The following SIRT5 variants were observed in gnomAD, a reference collection of about 807,000 sequenced individuals.
SIRT5 encodes NAD-dependent protein deacylase sirtuin-5, mitochondrial.
Under a neutral mutation model 40.0 loss-of-function variants are expected in SIRT5, and 26 were observed. The observed-to-expected ratio is 0.65, with a 90% confidence interval of 0.48 to 0.90. The LOEUF is 0.90. Among genes scored for constraint, SIRT5 ranks in the 40% least tolerant of loss-of-function variants. The pLI, the probability that SIRT5 is intolerant of heterozygous loss-of-function variation, is 0.00. For missense variants in SIRT5, 401 were observed against 402.4 expected (o/e 1.00, Z 0.03); for synonymous variants, 146 against 149.1 (o/e 0.98, Z 0.15).
In SIRT5 at chr6:13,591,816, C is replaced by A. The variant is rs200208625; in HGVS notation, c.397C>A (p.Arg133=). ...ECETRLGKQG[R]RVVVITQNID... is the part of the protein sequence containing the mutation. ...TGAGACCCGGCTGGGCAAGCAGGGC[C>A]GGCGAGTCGTGGTCATCACCCAGAA... The change falls in exon 5 of 10, where the codon CGG becomes AGG. Residue 133 remains arginine (R), a synonymous_variant. Transcript: ENST00000606117. 2 of 1,614,162 alleles carry A rather than the reference C, an allele frequency of 1.2e-6. No individual in the cohort carries two copies. Among genetic ancestry groups the A allele is most frequent in the Non-Finnish European group, 1.7e-6 (2 of 1,180,008 alleles).
Position 13,591,857 on chromosome 6 carries a change from C to T in SIRT5, c.438C>T (p.His146=). The change falls in exon 5 of 10, where the codon CAC becomes CAT. Residue 146 remains histidine, a synonymous_variant. Transcript: ENST00000606117. ...VVITQNIDEL[H]RKAGTKNLLE... is the part of the protein sequence containing the mutation. ...TCACCCAGAACATCGATGAGCTGCA[C>T]CGCAAGGCTGGCACCAAGAACCTTC... 3.1e-6 allele frequency: 5 copies of T among 1,614,052 alleles called. No individual in the cohort carries two copies. The highest frequency in any genetic ancestry group is 4.2e-6 in the Non-Finnish European group (5 of 1,179,904).
At chr6:13,595,378 T>A (rs1761433084) in intron 5 of SIRT5, 99 bp from the exon 6 acceptor site, 5 of 932,288 alleles carry the variant, frequency 5.4e-6, no homozygotes, top group Non-Finnish European at 8.6e-6. Flanking sequence ...AAACATGAAA[T>A]GAAGTGTGAA....
At chr6:13,601,279 C>G (rs527537440) in intron 9 of SIRT5, among the ~76,000 whole-genome samples, 1 of 152,324 alleles carries the variant, frequency 6.6e-6, no homozygotes, top group South Asian at 2.1e-4. Context: ...AAATGCTCCG[C>G]AAGTAAGCCT....
intron 6 of SIRT5, among the ~76,000 whole-genome samples, chr6:13,595,863 A>G (rs1164024838): frequency 5.9e-5 from 9 of 152,090 alleles, no homozygotes; most frequent in Non-Finnish European, 1.3e-4. Flanking sequence ...GTGGTGGCAC[A>G]TGCCTGTAGT....
At chr6:13,588,543 C>T in intron 4 of SIRT5, 79 bp downstream of exon 4, 1 of 1,474,708 alleles carries the variant, frequency 6.8e-7, no homozygotes, top group Non-Finnish European at 9.1e-7. Context: ...CTATACCGAT[C>T]CCCGAAACCC....
chr6:13,576,079 A>G (rs756003290), intron 1 of SIRT5, among the ~76,000 whole-genome samples: 4 of 152,184 alleles, frequency 2.6e-5, no homozygotes, highest in African/African-American at 4.8e-5. Flanking sequence ...AGTTGCTTCT[A>G]TATCTTGGTT....
chr6:13,575,927 T>G (rs917445439), intron 1 of SIRT5, among the ~76,000 whole-genome samples: 2 of 152,232 alleles, frequency 1.3e-5, no homozygotes, highest in Admixed American at 1.3e-4. Flanking sequence ...TGTGCCTGGC[T>G]TATTTTACTT....
rs1456894969 is a variant in SIRT5 at position 13,613,481 on chromosome 6, G to A, written c.*1616G>A. On this transcript the variant is annotated 3_prime_UTR_variant, in exon 10 of 10. Transcript: ENST00000606117. ...GCTCCCTGAAGTGATTACATACTTG[G>A]ACCACATCACCTCAGCCCCTTGCAA... 6.6e-6 allele frequency: 1 copy of A among 152,174 alleles called. No homozygotes were observed. Among genetic ancestry groups the A allele is most frequent in the East Asian group, 1.9e-4 (1 of 5,198 alleles). The allele number at this position is 152,174 out of a possible 1,614,324, so 9.4% of individuals were successfully genotyped here.
intron 9 of SIRT5, chr6:13,604,403 A>T (rs551032969): frequency 1.1e-6 from 1 of 928,538 alleles, no homozygotes; most frequent in Admixed American, 2.0e-5. Flanking sequence ...GAAGAGTGGG[A>T]CAGGATAAAC....
Position 13,612,128 on chromosome 6 carries a change from G to C in SIRT5, c.*263G>C. ...GAGGTATCTTTGATGTGTATGGTTG[G>C]TTATTGGGAGGGAAAAATTTTGTAA... is the stretch of plus-strand genomic sequence containing the variant. On this transcript the variant is annotated 3_prime_UTR_variant, in exon 10 of 10. Coordinates refer to ENST00000606117, the MANE Select transcript of SIRT5 (RefSeq NM_012241.5). 3.5e-6 allele frequency: 1 copy of C among 288,002 alleles called. No individual in the cohort carries two copies. The highest frequency in any genetic ancestry group is 6.4e-6 in the Non-Finnish European group (1 of 156,006). The allele number at this position is 288,002 out of a possible 1,614,324, so 17.8% of individuals were successfully genotyped here. A position where few individuals can be genotyped will look rare whatever the true frequency, so the allele number is the denominator to read the frequency against.
At position 13,591,887 on chromosome 6, in the gene SIRT5, G is replaced by A; in HGVS notation, c.468G>A (p.Glu156=). 6.2e-7 allele frequency: 1 copy of A among 1,611,204 alleles called. No homozygotes were observed. Among genetic ancestry groups the A allele is most frequent in the Non-Finnish European group, 8.5e-7 (1 of 1,177,574 alleles). Residue 156 remains glutamate (E), a synonymous_variant, in exon 5 of 10, where the codon GAG becomes GAA. Transcript: ENST00000606117. ...AGGCTGGCACCAAGAACCTTCTGGA[G>A]ATCCATGGTGAGAGACCCCCAGCCT... ...HRKAGTKNLL[E]IHGSLFKTRC... is the part of the protein sequence containing the mutation.
At chr6:13,582,645 C>G (rs1055029126) in intron 2 of SIRT5, among the ~76,000 whole-genome samples, 1 of 151,254 alleles carries the variant, frequency 6.6e-6, no homozygotes, top group African/African-American at 2.4e-5. Flanking sequence ...CCGCATGCCC[C>G]TTTTTAATCA....
Position 13,591,905 on chromosome 6 carries a change from C to G in SIRT5, c.475+11C>G, listed in dbSNP as rs747195617. The G allele has an allele frequency of 5.0e-6, 8 of 1,605,346 alleles. No homozygotes were observed. The highest frequency in any genetic ancestry group is 6.8e-6 in the Non-Finnish European group (8 of 1,172,832). On this transcript the variant is annotated intron_variant, in intron 5 of 9. Coordinates refer to ENST00000606117, the MANE Select transcript of SIRT5 (RefSeq NM_012241.5). ...TTCTGGAGATCCATGGTGAGAGACC[C>G]CCAGCCTCCCATTCAGGGAACCAGC... is the stretch of plus-strand genomic sequence containing the variant.
chr6:13,585,570 A>G (rs577262340), intron 3 of SIRT5, among the ~76,000 whole-genome samples: 2 of 152,192 alleles, frequency 1.3e-5, no homozygotes, highest in South Asian at 2.1e-4. Context: ...AAGGACATGA[A>G]CTCATCCTTT....
chr6:13,599,108 C>G lies in SIRT5; in HGVS notation c.694C>G (p.Leu232Val). The change falls in exon 8 of 10, where the codon CTG (leucine) becomes GTG (valine). Residue 232 changes from leucine (L) to valine (V), a missense_variant. Coordinates refer to ENST00000606117, the MANE Select transcript of SIRT5 (RefSeq NM_012241.5). ...WFGENLDPAI[L>V]EEVDRELAHC... ...TGGAGAAAACCTGGATCCTGCCATT[C>G]TGGAGGAGGTTGACAGAGAGCTCGC... 1 of 1,614,144 alleles carries G rather than the reference C, an allele frequency of 6.2e-7. No individual in the cohort carries two copies. The highest frequency in any genetic ancestry group is 8.5e-7 in the Non-Finnish European group (1 of 1,180,018).
In SIRT5 at chr6:13,584,158, T is replaced by C; in HGVS notation, c.48T>C (p.Tyr16=). 2 of 1,614,176 alleles carry C rather than the reference T, an allele frequency of 1.2e-6. No individual in the cohort carries two copies. Among genetic ancestry groups the C allele is most frequent in the Admixed American group, 3.3e-5 (2 of 60,016 alleles). ...CAAGTCGATTGATTTCCCAGCTATA[T>C]TGTGGCCTGAAGCCTCCAGCGTCCA... is the stretch of plus-strand genomic sequence containing the variant. ...IVPSRLISQL[Y]CGLKPPASTR... Residue 16 remains tyrosine (Y), a synonymous_variant, in exon 3 of 10, where the codon TAT becomes TAC. Coordinates refer to ENST00000606117, the MANE Select transcript of SIRT5 (RefSeq NM_012241.5).
chr6:13,586,869 A>T (rs1045250368), intron 3 of SIRT5, among the ~76,000 whole-genome samples: 1 of 152,126 alleles, frequency 6.6e-6, no homozygotes, highest in African/African-American at 2.4e-5. Flanking sequence ...TATGGCTGGG[A>T]TACAGAATGA....
At chr6:13,601,109 A>C (rs1015324813) in intron 9 of SIRT5, among the ~76,000 whole-genome samples, 160 bp downstream of exon 9, 1 of 152,194 alleles carries the variant, frequency 6.6e-6, no homozygotes, top group Non-Finnish European at 1.5e-5. Context: ...AAAATCATTC[A>C]CTGTAGACTA....
At chr6:13,603,496 CAGT>C (rs929961094) in intron 9 of SIRT5, among the ~76,000 whole-genome samples, 14 of 152,132 alleles carry the variant, frequency 9.2e-5, no homozygotes, top group African/African-American at 3.4e-4. Flanking sequence ...AAATGATGTT[CAGT>C]AGCAAAACCA....
Sources: gnomAD v4.1 joint callset for allele counts (sites outside exome capture counted in the v4.1 genomes callset) on GRCh38, gnomAD v4.1.1 for gene constraint, MANE v1.5 for transcripts, NCBI Gene and HGNC (gene_info 2026-07-23, HGNC 2026-07-21) for gene names.